The following DCBLD2 variants were observed in gnomAD, a reference collection of about 807,000 sequenced individuals.
DCBLD2 encodes discoidin, CUB and LCCL domain containing 2.
A neutral mutation model predicts 86.8 loss-of-function variants in DCBLD2; 54 were observed. That is an observed-to-expected ratio of 0.62 (90% confidence interval 0.50 to 0.78). DCBLD2 has a LOEUF of 0.78. Ranked by LOEUF, DCBLD2 falls within the 30% of genes least tolerant of loss-of-function variation. The pLI, the probability that DCBLD2 is intolerant of heterozygous loss-of-function variation, is 0.00. For missense variants in DCBLD2, 908 were observed against 954.2 expected, an observed-to-expected ratio of 0.95 and a Z score of 0.64; for synonymous variants, 354 against 341.3, an observed-to-expected ratio of 1.04 and a Z score of -0.41.
chr3:98,877,817 A>T (rs529358655), intron 2 of DCBLD2, among the ~76,000 whole-genome samples: 14 of 152,258 alleles, frequency 9.2e-5, no homozygotes, highest in Admixed American at 5.9e-4. Flanking sequence ...GAATATAAAG[A>T]GGTACTCAAA....
chr3:98,886,846 A>G (rs1259213884), intron 1 of DCBLD2, among the ~76,000 whole-genome samples: 2 of 144,950 alleles, frequency 1.4e-5, no homozygotes, highest in Admixed American at 1.4e-4. Flanking sequence ...CCTAGAAAAA[A>G]GAGAAAGAAA....
intron 2 of DCBLD2, among the ~76,000 whole-genome samples, chr3:98,860,396 A>G (rs1415598583): frequency 6.6e-6 from 1 of 152,182 alleles, no homozygotes; most frequent in African/African-American, 2.4e-5. Flanking sequence ...ACTCCTCGAG[A>G]AGAGCAACTT....
chr3:98,897,851 G>A (rs1370983637), intron 1 of DCBLD2, among the ~76,000 whole-genome samples: 1 of 152,002 alleles, frequency 6.6e-6, no homozygotes, highest in Non-Finnish European at 1.5e-5. Flanking sequence ...AGCCTTCCAG[G>A]ATACAAATGA....
chr3:98,890,589 G>A (rs1943642853), intron 1 of DCBLD2: 1 of 152,060 alleles, frequency 6.6e-6, no homozygotes, highest in African/African-American at 2.4e-5. Context: ...AAAAGCCAAT[G>A]GAGAATTTTC....
chr3:98,836,357 T>C (rs1942447781), intron 3 of DCBLD2, among the ~76,000 whole-genome samples: 1 of 147,658 alleles, frequency 6.8e-6, no homozygotes, highest in Non-Finnish European at 1.5e-5. Flanking sequence ...GGATGAAATT[T>C]GTATAACATG....
chr3:98,893,428 TG>T (rs1943697872), intron 1 of DCBLD2, among the ~76,000 whole-genome samples: 1 of 150,568 alleles, frequency 6.6e-6, no homozygotes, highest in Non-Finnish European at 1.5e-5. Context: ...CAAAGCTGCT[TG>T]GTTTTTCAAA....
intron 2 of DCBLD2, among the ~76,000 whole-genome samples, chr3:98,862,907 G>T (rs756301856): frequency 2.0e-5 from 3 of 152,028 alleles, no homozygotes; most frequent in Non-Finnish European, 2.9e-5. Flanking sequence ...AGGGTATTCA[G>T]TTAGGAAAAG....
intron 1 of DCBLD2, among the ~76,000 whole-genome samples, chr3:98,900,345 G>T (rs1053519680): frequency 3.9e-5 from 6 of 152,146 alleles, no homozygotes; most frequent in Non-Finnish European, 7.3e-5. Flanking sequence ...GATTCAAAAA[G>T]TGTGGTACAC....
chr3:98,859,087 C>T (rs184889277), intron 2 of DCBLD2, among the ~76,000 whole-genome samples: 1 of 152,308 alleles, frequency 6.6e-6, no homozygotes, highest in East Asian at 1.9e-4. Flanking sequence ...ACATCCCACG[C>T]CTGGCTCGGA....
At chr3:98,870,943 T>A (rs1576195083) in intron 2 of DCBLD2, among the ~76,000 whole-genome samples, 2 of 152,018 alleles carry the variant, frequency 1.3e-5, no homozygotes, top group African/African-American at 4.8e-5. Context: ...TTTGTTTGTA[T>A]CATCTATGGT....
chr3:98,849,077 G>A (rs1330980342), intron 3 of DCBLD2, among the ~76,000 whole-genome samples: 1 of 151,916 alleles, frequency 6.6e-6, no homozygotes, highest in Non-Finnish European at 1.5e-5. Context: ...GCTGGGACAG[G>A]AGAATTGCTT....
intron 3 of DCBLD2, among the ~76,000 whole-genome samples, chr3:98,829,619 A>G (rs1375869301): frequency 6.6e-6 from 1 of 152,224 alleles, no homozygotes; most frequent in African/African-American, 2.4e-5. Flanking sequence ...TTATGACTGC[A>G]TAGTATTCCA....
At chr3:98,853,820 G>A (rs776951004) in intron 2 of DCBLD2, among the ~76,000 whole-genome samples, 1 of 152,118 alleles carries the variant, frequency 6.6e-6, no homozygotes, top group African/African-American at 2.4e-5. Context: ...GGTGTGCCAC[G>A]GAACAATGCT....
intron 4 of DCBLD2, among the ~76,000 whole-genome samples, chr3:98,825,106 A>C (rs890764565): frequency 6.6e-6 from 1 of 152,210 alleles, no homozygotes; most frequent in African/African-American, 2.4e-5. Context: ...CATTTTGCAG[A>C]TCTAAATGCT....
At chr3:98,858,233 A>G (rs1285720801) in intron 2 of DCBLD2, among the ~76,000 whole-genome samples, 1 of 152,200 alleles carries the variant, frequency 6.6e-6, no homozygotes, top group Non-Finnish European at 1.5e-5. Flanking sequence ...GGGCCTGCCG[A>G]GCCCACACAC....
intron 2 of DCBLD2, among the ~76,000 whole-genome samples, chr3:98,854,525 TTTTTGAACAATTA>T (rs2107490016): frequency 6.6e-6 from 1 of 152,332 alleles, no homozygotes; most frequent in Non-Finnish European, 1.5e-5. Flanking sequence ...CTCTAATTTC[TTTTTGAACAATTA>T]GACTATTGGG....
chr3:98,870,394 T>A (rs1943238029), intron 2 of DCBLD2, among the ~76,000 whole-genome samples: 1 of 152,188 alleles, frequency 6.6e-6, no homozygotes, highest in African/African-American at 2.4e-5. Flanking sequence ...AGATTTCTTT[T>A]GTTTGCTCAG....
chr3:98,858,862 TA>T (rs1413552008), intron 2 of DCBLD2, among the ~76,000 whole-genome samples: 1 of 152,198 alleles, frequency 6.6e-6, no homozygotes, highest in African/African-American at 2.4e-5. Context: ...AGCTCCAGTC[TA>T]TAGCTCCCAG....
At chr3:98,838,182 C>T (rs191340329) in intron 3 of DCBLD2, among the ~76,000 whole-genome samples, 17,414 of 92,336 alleles carry the variant, frequency 0.19, 56 homozygotes, top group Non-Finnish European at 0.21. Context: ...GGGTGGCTGC[C>T]GGGCGGAGAC....
Sources: gnomAD v4.1 joint callset for allele counts (sites outside exome capture counted in the v4.1 genomes callset) on GRCh38, gnomAD v4.1.1 for gene constraint, MANE v1.5 for transcripts, NCBI Gene and HGNC (gene_info 2026-07-23, HGNC 2026-07-21) for gene names.